NMT1: variants seen among roughly 807,000 people sequenced by gnomAD.
The protein encoded by NMT1 is glycylpeptide N-tetradecanoyltransferase 1.
In NMT1, 12 loss-of-function variants were observed where a neutral mutation model predicts 63.4. That is an observed-to-expected ratio of 0.19 (90% CI 0.12 to 0.31). NMT1 has a LOEUF of 0.31. Among genes scored for constraint, NMT1 ranks in the 10% least tolerant of loss-of-function variants. The pLI is 1.00. For missense variants in NMT1, 432 were observed against 634.6 expected (o/e 0.68, Z 3.43); for synonymous variants, 228 against 234.3 (o/e 0.97, Z 0.25).
At chr17:45,095,263 C>T (rs371973905) in intron 4 of NMT1, among the ~76,000 whole-genome samples, 72 of 152,040 alleles carry the variant, frequency 4.7e-4, no homozygotes, top group African/African-American at 1.7e-3. Flanking sequence ...TCTGTCACCA[C>T]GCCAGGCTAA....
intron 8 of NMT1, among the ~76,000 whole-genome samples, chr17:45,101,139 G>A (rs1244933634): frequency 6.6e-6 from 1 of 151,480 alleles, no homozygotes; most frequent in Non-Finnish European, 1.5e-5. Context: ...AGCTGAGATA[G>A]CGCCATTGCA....
At chr17:45,074,987 G>A (rs2053968495) in intron 1 of NMT1, among the ~76,000 whole-genome samples, 1 of 152,224 alleles carries the variant, frequency 6.6e-6, no homozygotes, top group Non-Finnish European at 1.5e-5. Context: ...GCCAAGGCAG[G>A]AGGATTGCTT....
intron 1 of NMT1, among the ~76,000 whole-genome samples, chr17:45,080,957 AG>A: frequency 6.6e-6 from 1 of 152,234 alleles, no homozygotes; most frequent in Non-Finnish European, 1.5e-5. Flanking sequence ...TAGTAGAAAC[AG>A]GGTTTTGCCA....
intron 3 of NMT1, among the ~76,000 whole-genome samples, chr17:45,087,605 G>T (rs1179199314): frequency 3.9e-5 from 6 of 152,218 alleles, no homozygotes; most frequent in Admixed American, 3.9e-4. Flanking sequence ...TTCTGAAGTG[G>T]TTGTAACATG....
At chr17:45,082,878 G>C (rs544879518) in intron 2 of NMT1, among the ~76,000 whole-genome samples, 4 of 151,976 alleles carry the variant, frequency 2.6e-5, no homozygotes, top group Non-Finnish European at 5.9e-5. Flanking sequence ...TTAGTTGGGC[G>C]TGGTGGCAGG....
At chr17:45,076,521 A>G (rs1382742194) in intron 1 of NMT1, among the ~76,000 whole-genome samples, 1 of 151,942 alleles carries the variant, frequency 6.6e-6, no homozygotes, top group Non-Finnish European at 1.5e-5. Context: ...AAGCTGAGGC[A>G]GGTGAATCAC....
At chr17:45,099,556 C>T in intron 8 of NMT1, 43 bp downstream of exon 8, 1 of 1,393,710 alleles carries the variant, frequency 7.2e-7, no homozygotes, top group South Asian at 1.2e-5. Context: ...AGAGAGAGGG[C>T]AAGGAGAGCC....
chr17:45,096,137 G>C lies in NMT1; in HGVS notation c.505-57G>C. 6.4e-6 allele frequency: 8 copies of C among 1,253,740 alleles called. No homozygotes were observed. In the South Asian group the frequency reaches 7.1e-5, roughly 11 times the overall value. The allele number at this position is 1,253,740 out of a possible 1,614,324, so 77.7% of individuals were successfully genotyped here. A position where few individuals can be genotyped will look rare whatever the true frequency, so the allele number is the denominator to read the frequency against. On this transcript the variant is annotated intron_variant, in intron 4 of 11. Coordinates refer to ENST00000258960, the MANE Select transcript of NMT1 (RefSeq NM_021079.5). ...GAAAAGCCTAGAGCCCCAGGGTATT[G>C]GAGTTGGTCTACTACCTGGCAGAAT...
chr17:45,097,872 G>T (rs1350517827), intron 6 of NMT1, among the ~76,000 whole-genome samples: 1 of 152,212 alleles, frequency 6.6e-6, no homozygotes, highest in Non-Finnish European at 1.5e-5. Flanking sequence ...AACAGCAGCA[G>T]AAATGGGCCA....
At chr17:45,081,229 G>C (rs1211435634) in intron 1 of NMT1, among the ~76,000 whole-genome samples, 1 of 152,226 alleles carries the variant, frequency 6.6e-6, no homozygotes, top group Non-Finnish European at 1.5e-5. Flanking sequence ...GAGGAAGGAA[G>C]GGCAAAGCAT....
Position 45,105,898 on chromosome 17 carries a change from G to A in NMT1, c.*259G>A. ...CTCATGCAGCCGTGATCAAGGGAATGTAACTGCTGAAAACTAGCTCGTGAT... is the reference window on the plus strand; with the variant it reads ...CTCATGCAGCCGTGATCAAGGGAATATAACTGCTGAAAACTAGCTCGTGAT... On this transcript the variant is annotated 3_prime_UTR_variant, in exon 12 of 12. Transcript: ENST00000258960. The surrounding 1 kb of genome is among the most constrained non-coding windows in gnomAD (Gnocchi z 4.2). The A allele has an allele frequency of 4.5e-6, 2 of 441,650 alleles. No individual in the cohort carries two copies. Among genetic ancestry groups the A allele is most frequent in the Non-Finnish European group, 8.0e-6 (2 of 251,020 alleles). 27.4% of individuals were successfully genotyped at this position (441,650 alleles called of 1,614,324 possible). A position where few individuals can be genotyped will look rare whatever the true frequency, so the allele number is the denominator to read the frequency against.
chr17:45,075,275 G>A (rs1258019146), intron 1 of NMT1, among the ~76,000 whole-genome samples: 3 of 151,948 alleles, frequency 2.0e-5, no homozygotes, highest in African/African-American at 7.3e-5. Context: ...CTTGAGGTCA[G>A]GAGTCCAAGA....
Position 45,099,531 on chromosome 17 carries a change from T to TG in NMT1, c.993+20dup. ...TGCCAGAGGCCAGTGCTGCCCCGGG[T>TG]GGTGGGCAGGGGGCAGAGAGAGGGC... On this transcript the variant is annotated intron_variant, in intron 8 of 11. Coordinates refer to ENST00000258960, the MANE Select transcript of NMT1 (RefSeq NM_021079.5). 1 of 1,537,892 alleles carries TG rather than the reference T, an allele frequency of 6.5e-7. No homozygotes were observed. The highest frequency in any genetic ancestry group is 1.1e-5 in the South Asian group (1 of 89,434).
chr17:45,100,917 C>A (rs1280618284), intron 8 of NMT1, among the ~76,000 whole-genome samples: 16 of 136,774 alleles, frequency 1.2e-4, no homozygotes, highest in Non-Finnish European at 2.2e-4. Flanking sequence ...CGCGGTGGCT[C>A]ACACCTGTAA....
intron 1 of NMT1, among the ~76,000 whole-genome samples, chr17:45,066,652 G>A (rs1001777769): frequency 2.0e-5 from 3 of 151,902 alleles, no homozygotes; most frequent in Admixed American, 1.3e-4. Flanking sequence ...GCATACATAT[G>A]CAGTGTGTAT....
chr17:45,068,351 A>T (rs894412415), intron 1 of NMT1, among the ~76,000 whole-genome samples: 1 of 152,216 alleles, frequency 6.6e-6, no homozygotes, highest in Non-Finnish European at 1.5e-5. Flanking sequence ...ACACACCTGT[A>T]GTCCCAGCTA....
At position 45,105,789 on chromosome 17, in the gene NMT1, G is replaced by A. The variant is rs530405653; in HGVS notation, c.*150G>A. 1 of 715,044 alleles carries A rather than the reference G, an allele frequency of 1.4e-6. No homozygotes were observed. Among genetic ancestry groups the A allele is most frequent in the South Asian group, 1.8e-5 (1 of 54,404 alleles). 44.3% of individuals were successfully genotyped at this position (715,044 alleles called of 1,614,324 possible). Reference sequence around the variant, plus strand: ...GCTTTACCAAACCGCCAGCGAACTTGACAATTGTATTGCGATGGCGTGGGC... The same window carrying A: ...GCTTTACCAAACCGCCAGCGAACTTAACAATTGTATTGCGATGGCGTGGGC... On this transcript the variant is annotated 3_prime_UTR_variant, in exon 12 of 12. Transcript: ENST00000258960. This position sits in a 1 kb window ranked among gnomAD's most constrained non-coding sequence, Gnocchi z 4.2.
chr17:45,093,872 C>A, intron 4 of NMT1, 69 bp downstream of exon 4: 1 of 1,256,396 alleles, frequency 8.0e-7, no homozygotes, highest in Non-Finnish European at 1.2e-6. Context: ...TGCAGTCTCA[C>A]CTAGACTACG....
At chr17:45,094,251 T>A (rs1465638265) in intron 4 of NMT1, among the ~76,000 whole-genome samples, 1 of 151,882 alleles carries the variant, frequency 6.6e-6, no homozygotes. Context: ...TCCCACCGTT[T>A]TGGGAGGCTG....
Sources: allele counts gnomAD v4.1 joint callset (sites outside exome capture counted in the v4.1 genomes callset), GRCh38; gene constraint gnomAD v4.1.1; non-coding constraint Gnocchi (gnomAD v3.1); transcripts MANE v1.5; gene names NCBI Gene and HGNC (gene_info 2026-07-23, HGNC 2026-07-21).